RYR3: variants seen among roughly 807,000 people sequenced by gnomAD.
The protein encoded by RYR3 is ryanodine receptor 3.
Under a neutral mutation model 584.3 loss-of-function variants are expected in RYR3, and 207 were observed. That is an observed-to-expected ratio of 0.35 (90% CI 0.32 to 0.40). The LOEUF (loss-of-function observed/expected upper bound fraction) is 0.40, where lower values mean the gene tolerates loss of function less well. Among genes scored for constraint, RYR3 ranks in the 10% least tolerant of loss-of-function variants. The probability of loss-of-function intolerance (pLI) is 1.00; values close to 1 mark genes in which losing one functional copy is unlikely to be tolerated. For missense variants in RYR3, 5,616 were observed against 6,089.2 expected, an observed-to-expected ratio of 0.92 and a Z score of 2.59; for synonymous variants, 2,416 against 2,248.5, an observed-to-expected ratio of 1.07 and a Z score of -2.11.
At chr15:33,860,702 C>A in intron 101 of RYR3, 43 bp downstream of exon 101, 1 of 1,343,382 alleles carries the variant, frequency 7.4e-7, no homozygotes, top group South Asian at 1.3e-5. Flanking sequence ...ATTTTAATAT[C>A]CCCAGAAGCA....
At chr15:33,519,299 T>C (rs1032689930) in intron 3 of RYR3, among the ~76,000 whole-genome samples, 2 of 152,194 alleles carry the variant, frequency 1.3e-5, no homozygotes, top group African/African-American at 4.8e-5. Context: ...ATCTATCATA[T>C]ATATAGAAGC....
chr15:33,435,401 G>A (rs947643505), intron 1 of RYR3, among the ~76,000 whole-genome samples: 7 of 152,158 alleles, frequency 4.6e-5, no homozygotes, highest in South Asian at 2.1e-4. Flanking sequence ...TGGCATTCCA[G>A]TGTATACATT....
intron 23 of RYR3, 81 bp downstream of exon 23, chr15:33,631,374 G>T: frequency 1.1e-6 from 1 of 888,720 alleles, no homozygotes; most frequent in Non-Finnish European, 1.8e-6. Flanking sequence ...TACCAAGACA[G>T]ACAACAGCCC....
intron 38 of RYR3, among the ~76,000 whole-genome samples, chr15:33,673,187 C>A (rs969771498): frequency 2.0e-5 from 3 of 152,192 alleles, no homozygotes; most frequent in Non-Finnish European, 2.9e-5. Flanking sequence ...AATCTGAACC[C>A]AACGGAATTC....
chr15:33,821,215 A>G, intron 78 of RYR3, 55 bp from the exon 79 acceptor site: 1 of 1,410,492 alleles, frequency 7.1e-7, no homozygotes, highest in Non-Finnish European at 9.8e-7. Flanking sequence ...CTATGGGTGA[A>G]CTCCCTGGTG....
At chr15:33,856,692 C>G (rs574262191) in intron 98 of RYR3, 12 of 156,188 alleles carry the variant, frequency 7.7e-5, no homozygotes, top group African/African-American at 2.6e-4. Context: ...CGGAGTCTCA[C>G]TCTGCCACAA....
intron 99 of RYR3, 26 bp downstream of exon 99, chr15:33,857,940 AGCCCACCCACTGCGG>A: frequency 6.4e-7 from 1 of 1,569,234 alleles, no homozygotes; most frequent in African/African-American, 2.1e-5. Flanking sequence ...CTGCGGGGCC[AGCCCACCCACTGCGG>A]GGCCACCCCG....
chr15:33,566,451 T>A (rs1228354304), intron 11 of RYR3, among the ~76,000 whole-genome samples: 1 of 152,210 alleles, frequency 6.6e-6, no homozygotes, highest in Non-Finnish European at 1.5e-5. Flanking sequence ...TGGTGGCACA[T>A]AAAGTTTCAT....
At position 33,801,856 on chromosome 15, in the gene RYR3, CT is replaced by C. The variant is rs769039111; in HGVS notation, c.9919-10del. The C allele has an allele frequency of 4.3e-5, 59 of 1,380,876 alleles. No homozygotes were observed. The South Asian group carries it at 7.2e-4, about 17-fold the overall frequency. 85.5% of individuals were successfully genotyped at this position (1,380,876 alleles called of 1,614,324 possible). A position where few individuals can be genotyped will look rare whatever the true frequency, so the allele number is the denominator to read the frequency against. ...TCTTGTAATGTTTGCTGTTTCAATT[CT>C]TTCCCACTTAGAACTTCAAGAGAGA... On this transcript the variant is annotated splice_polypyrimidine_tract_variant and intron_variant, in intron 68 of 103. Transcript: ENST00000634891.
chr15:33,657,016 A>G (rs1230229731), intron 32 of RYR3, among the ~76,000 whole-genome samples: 1 of 152,154 alleles, frequency 6.6e-6, no homozygotes, highest in Admixed American at 6.5e-5. Flanking sequence ...GAGTAACACC[A>G]GGGGTCCCAG....
chr15:33,706,859 G>T (rs2066753300), intron 42 of RYR3, 60 bp from the exon 43 acceptor site: 3 of 1,489,902 alleles, frequency 2.0e-6, no homozygotes, highest in Admixed American at 2.2e-5. Context: ...TTTTTGAGGT[G>T]TGTTTTTTAA....
intron 1 of RYR3, among the ~76,000 whole-genome samples, chr15:33,316,715 A>C (rs1202695243): frequency 6.6e-6 from 1 of 152,232 alleles, no homozygotes; most frequent in Non-Finnish European, 1.5e-5. Context: ...AATGAGAGAC[A>C]TATTACCCCA....
chr15:33,769,429 A>G (rs1453134515), intron 62 of RYR3, among the ~76,000 whole-genome samples: 3 of 152,238 alleles, frequency 2.0e-5, no homozygotes, highest in Non-Finnish European at 4.4e-5. Flanking sequence ...CTTTCAGAAG[A>G]TAAAATATAT....
chr15:33,631,279 C>T lies in RYR3; in HGVS notation c.2853C>T (p.Val951=). The T allele has an allele frequency of 6.3e-7, 1 of 1,580,854 alleles. No homozygotes were observed. The highest frequency in any genetic ancestry group is 8.6e-7 in the Non-Finnish European group (1 of 1,161,914). The part of the protein sequence containing the change: ...NPAAEEDLKK[V]KLPKNYMMSN... ...CTGCTGAGGAGGATCTCAAGAAGGT[C>T]AAACTGCCCAAAAAGTAGGTGATTT... The change falls in exon 23 of 104, where the codon GTC becomes GTT. Residue 951 remains valine (V), a synonymous_variant. Transcript: ENST00000634891.
At chr15:33,855,675 TACAC>T (rs1020555339) in intron 98 of RYR3, among the ~76,000 whole-genome samples, 6 of 151,204 alleles carry the variant, frequency 4.0e-5, no homozygotes, top group Non-Finnish European at 8.8e-5. Flanking sequence ...TGATTTCAGA[TACAC>T]ACACACATAT....
chr15:33,421,176 A>G (rs2044216559), intron 1 of RYR3, among the ~76,000 whole-genome samples: 1 of 152,208 alleles, frequency 6.6e-6, no homozygotes, highest in African/African-American at 2.4e-5. Flanking sequence ...GCTGAATTTT[A>G]GATTTCAAAG....
chr15:33,451,788 T>C (rs116026587), intron 1 of RYR3, among the ~76,000 whole-genome samples: 4,513 of 152,346 alleles, frequency 0.03, 124 homozygotes, highest in African/African-American at 0.068. Context: ...AGGATGCATC[T>C]TCATGTATGA....
intron 42 of RYR3, among the ~76,000 whole-genome samples, chr15:33,702,790 G>C (rs761530017): frequency 6.6e-6 from 1 of 152,102 alleles, no homozygotes; most frequent in South Asian, 2.1e-4. Flanking sequence ...TAAGGGAGTC[G>C]CTGAGGAAAA....
At chr15:33,731,771 G>C (rs1209627833) in intron 48 of RYR3, 77 bp downstream of exon 48, 11 of 1,026,466 alleles carry the variant, frequency 1.1e-5, no homozygotes, top group Non-Finnish European at 1.5e-5. Context: ...TCTAAAAACT[G>C]GTGGTCTAGT....
Sources: gnomAD v4.1 joint callset for allele counts (sites outside exome capture counted in the v4.1 genomes callset) on GRCh38, gnomAD v4.1.1 for gene constraint, MANE v1.5 for transcripts, NCBI Gene and HGNC (gene_info 2026-07-23, HGNC 2026-07-21) for gene names.